The following WDR25 variants were observed in gnomAD, a reference collection of about 807,000 sequenced individuals.
WDR25 encodes WD repeat domain 25.
In WDR25, 35 loss-of-function variants were observed where a neutral mutation model predicts 47.7. The ratio of observed to expected loss-of-function variants is 0.73; its 90% CI spans 0.56 to 0.97. The LOEUF is 0.97. Ranked by LOEUF, WDR25 falls within the 50% of genes least tolerant of loss-of-function variation. The probability of loss-of-function intolerance (pLI) is 0.00; values close to 1 mark genes in which losing one functional copy is unlikely to be tolerated. For missense variants in WDR25, 634 were observed against 704.7 expected (o/e 0.90, Z 1.14); for synonymous variants, 248 against 278.9 (o/e 0.89, Z 1.10).
At chr14:100,421,716 A>G (rs1898032370) in intron 2 of WDR25, among the ~76,000 whole-genome samples, 1 of 152,166 alleles carries the variant, frequency 6.6e-6, no homozygotes, top group Non-Finnish European at 1.5e-5. Flanking sequence ...GTTGGTGGGC[A>G]TGCTTTTAAA....
chr14:100,487,579 T>C (rs1158091258), intron 4 of WDR25: 1 of 152,228 alleles, frequency 6.6e-6, no homozygotes, highest in Non-Finnish European at 1.5e-5. Flanking sequence ...CTATTGATTG[T>C]CAGGACTAAT....
chr14:100,483,861 G>A (rs569189848), intron 3 of WDR25, 133 bp from the exon 4 acceptor site: 46 of 1,086,572 alleles, frequency 4.2e-5, no homozygotes, highest in Non-Finnish European at 5.6e-5. Flanking sequence ...TCCAAAAAGT[G>A]TCCATTGGGC....
chr14:100,412,118 G>T (rs1897726199), intron 2 of WDR25, among the ~76,000 whole-genome samples: 1 of 149,142 alleles, frequency 6.7e-6, no homozygotes, highest in Non-Finnish European at 1.5e-5. Context: ...GAGGTGGGAG[G>T]ATCACTCGAG....
intron 3 of WDR25, among the ~76,000 whole-genome samples, chr14:100,470,479 A>G (rs1899792283): frequency 6.7e-6 from 1 of 149,396 alleles, no homozygotes; most frequent in Non-Finnish European, 1.5e-5. Flanking sequence ...AAACAAATGC[A>G]TGCAATTGTA....
At position 100,381,330 on chromosome 14, in the gene WDR25, C is replaced by A; in HGVS notation, c.406C>A (p.Gln136Lys). The change falls in exon 2 of 7, where the codon CAA (glutamine) becomes AAA (lysine). Residue 136 changes from glutamine to lysine, a missense_variant. Coordinates refer to ENST00000402312, the MANE Select transcript of WDR25 (RefSeq NM_001161476.3). ...GCCCCTGGCAGCTGCCCGCTTTAAG[C>A]AAGTAAAACTCTCCAGGAACTTTCC... ...HMPLAAARFK[Q>K]VKLSRNFPKS... 3 of 1,614,238 alleles carry A rather than the reference C, an allele frequency of 1.9e-6. No individual in the cohort carries two copies. Among genetic ancestry groups the A allele is most frequent in the Non-Finnish European group, 2.5e-6 (3 of 1,180,042 alleles).
At chr14:100,510,269 C>CAA (rs35103618) in intron 4 of WDR25, among the ~76,000 whole-genome samples, 1 of 142,574 alleles carries the variant, frequency 7.0e-6, no homozygotes, top group African/African-American at 2.6e-5. Context: ...GACTCCATGT[C>CAA]AAAAAAAAAA....
At chr14:100,401,541 G>T (rs1897382225) in intron 2 of WDR25, among the ~76,000 whole-genome samples, 1 of 152,206 alleles carries the variant, frequency 6.6e-6, no homozygotes, top group Non-Finnish European at 1.5e-5. Flanking sequence ...CCTCCAGGAG[G>T]CTCCCCTGCC....
At position 100,428,893 on chromosome 14, in the gene WDR25, C is replaced by A. The variant is rs931539042; in HGVS notation, c.823-39128C>A. Among the ~76,000 whole-genome samples, 10 of 152,098 alleles carry A rather than the reference C, an allele frequency of 6.6e-5. No homozygotes were observed. The highest frequency in any genetic ancestry group is 2.4e-4 in the African/African-American group (10 of 41,408). ...AGCAATATCACTCAAGCTCCTCTTGCGTCTTTGGCACCAGAGGCGTCATCC... is the reference window on the plus strand; with the variant it reads ...AGCAATATCACTCAAGCTCCTCTTGAGTCTTTGGCACCAGAGGCGTCATCC... On this transcript the variant is annotated intron_variant, in intron 2 of 6. Coordinates refer to ENST00000402312, the MANE Select transcript of WDR25 (RefSeq NM_001161476.3). This position sits in a 1 kb window ranked among gnomAD's most constrained non-coding sequence, Gnocchi z 4.3.
intron 4 of WDR25, among the ~76,000 whole-genome samples, chr14:100,494,922 T>C (rs1320670588): frequency 6.6e-6 from 1 of 152,174 alleles, no homozygotes; most frequent in Non-Finnish European, 1.5e-5. Context: ...GGAGGATTGC[T>C]TGAGGCCAGG....
In WDR25 at chr14:100,430,681, C is replaced by T. The variant is rs1898305404; in HGVS notation, c.823-37340C>T. On this transcript the variant is annotated intron_variant, in intron 2 of 6. Coordinates refer to ENST00000402312, the MANE Select transcript of WDR25 (RefSeq NM_001161476.3). This position sits in a 1 kb window ranked among gnomAD's most constrained non-coding sequence, Gnocchi z 4.7. Reference sequence around the variant, plus strand: ...GGAACCAGCGGCTGTTATAGGTGACCCAGTGAGGGAGGCTGCATCTCGATA... The same window carrying T: ...GGAACCAGCGGCTGTTATAGGTGACTCAGTGAGGGAGGCTGCATCTCGATA... Among the ~76,000 whole-genome samples the T allele has an allele frequency of 1.3e-5, 2 of 152,078 alleles. No homozygotes were observed. Among genetic ancestry groups the T allele is most frequent in the Admixed American group, 1.3e-4 (2 of 15,270 alleles).
At position 100,527,312 on chromosome 14, in the gene WDR25, T is replaced by TCAC. The variant is rs754901503; in HGVS notation, c.1272+1288_1272+1290dup. ...CACCATCTCTATTATATTGTTATCA[T>TCAC]CACCACCACCACCACCACTGCTACC... On this transcript the variant is annotated intron_variant, in intron 5 of 6. Transcript: ENST00000402312. Among the ~76,000 whole-genome samples the TCAC allele has an allele frequency of 7.3e-5, 11 of 151,404 alleles. No individual in the cohort carries two copies. The South Asian group carries it at 8.4e-4, about 12-fold the overall frequency.
In WDR25 at chr14:100,418,360, A is replaced by G. The variant is rs183246886; in HGVS notation, c.822+36614A>G. 3.6e-3 allele frequency among the ~76,000 whole-genome samples: 544 copies of G among 149,380 alleles called. 2 individuals are homozygous for G. The highest frequency in any genetic ancestry group is 0.012 in the African/African-American group (473 of 41,002). On this transcript the variant is annotated intron_variant, in intron 2 of 6. Coordinates refer to ENST00000402312, the MANE Select transcript of WDR25 (RefSeq NM_001161476.3). ...TTGAAAGTGAAAAATTTGGCCGGGCACCGTGGCTCATGCCTGTAATCCCAG... is the reference window on the plus strand; with the variant it reads ...TTGAAAGTGAAAAATTTGGCCGGGCGCCGTGGCTCATGCCTGTAATCCCAG...
chr14:100,442,760 G>T (rs1279089048), intron 2 of WDR25, among the ~76,000 whole-genome samples: 1 of 152,238 alleles, frequency 6.6e-6, no homozygotes. Flanking sequence ...GGAACTTAGC[G>T]ATATTGCAGG....
In WDR25 at chr14:100,460,175, C is replaced by T. The variant is rs370980825; in HGVS notation, c.823-7846C>T. 2.1e-3 allele frequency among the ~76,000 whole-genome samples: 312 copies of T among 148,336 alleles called. 2 individuals carry two copies. The highest frequency in any genetic ancestry group is 7.1e-3 in the South Asian group (33 of 4,680). On this transcript the variant is annotated intron_variant, in intron 2 of 6. Coordinates refer to ENST00000402312, the MANE Select transcript of WDR25 (RefSeq NM_001161476.3). The stretch of plus-strand genomic sequence containing the variant: ...TCGCCCAGGCTGGAGTGCAGTGGCG[C>T]GATCTCGGCTTACTGCAAGCTCCAC...
intron 4 of WDR25, among the ~76,000 whole-genome samples, chr14:100,517,383 G>A (rs1049119481): frequency 2.6e-5 from 4 of 151,026 alleles, no homozygotes; most frequent in African/African-American, 9.7e-5. Flanking sequence ...TGCCTTCTTT[G>A]GATTATTTTA....
At position 100,440,871 on chromosome 14, in the gene WDR25, G is replaced by C. The variant is rs539006771; in HGVS notation, c.823-27150G>C. Among the ~76,000 whole-genome samples the C allele has an allele frequency of 6.6e-6, 1 of 152,352 alleles. No individual in the cohort carries two copies. Among genetic ancestry groups the C allele is most frequent in the South Asian group, 2.1e-4 (1 of 4,834 alleles). On this transcript the variant is annotated intron_variant, in intron 2 of 6. Transcript: ENST00000402312. The surrounding 1 kb of genome is among the most constrained non-coding windows in gnomAD (Gnocchi z 4.4). ...GCTGTCATTTGGCCAGAGATTGTCT[G>C]CACTGGGATTGTTCCCCCAGGATAG...
In WDR25 at chr14:100,463,172, C is replaced by T. The variant is rs145195064; in HGVS notation, c.823-4849C>T. Among the ~76,000 whole-genome samples the T allele has an allele frequency of 3.0e-4, 46 of 151,208 alleles. 1 individual carries two copies. The East Asian group carries it at 7.4e-3, about 24-fold the overall frequency. ...CTCCCCAATTCCTCCATCACTCCTT[C>T]TCTCCCTTCCTTTTTTCTTCTGCTC... On this transcript the variant is annotated intron_variant, in intron 2 of 6. Coordinates refer to ENST00000402312, the MANE Select transcript of WDR25 (RefSeq NM_001161476.3).
At chr14:100,382,080 G>C (rs1896916026) in intron 2 of WDR25, 1 of 702,968 alleles carries the variant, frequency 1.4e-6, no homozygotes, top group Non-Finnish European at 2.6e-6. Context: ...CATCCTCGGT[G>C]ACCCTGTGGA....
At chr14:100,522,840 G>A (rs1266628217) in intron 4 of WDR25, among the ~76,000 whole-genome samples, 5 of 152,218 alleles carry the variant, frequency 3.3e-5, no homozygotes, top group Non-Finnish European at 7.3e-5. Flanking sequence ...GCTCATCCAA[G>A]GGCCAGGAGA....
Sources: gnomAD v4.1 joint callset for allele counts (sites outside exome capture counted in the v4.1 genomes callset) on GRCh38, gnomAD v4.1.1 for gene constraint, Gnocchi (gnomAD v3.1) non-coding constraint, MANE v1.5 for transcripts, NCBI Gene and HGNC (gene_info 2026-07-23, HGNC 2026-07-21) for gene names.